DARS1: variants seen among roughly 807,000 people sequenced by gnomAD.
The protein encoded by DARS1 is aspartate--tRNA ligase, cytoplasmic.
Under a neutral mutation model 68.8 loss-of-function variants are expected in DARS1, and 51 were observed. That is an observed-to-expected ratio of 0.74 (90% CI 0.59 to 0.94). DARS1 has a LOEUF of 0.94. Ranked by LOEUF, DARS1 falls within the 40% of genes least tolerant of loss-of-function variation. The probability of loss-of-function intolerance (pLI) is 0.00; values close to 1 mark genes in which losing one functional copy is unlikely to be tolerated. For missense variants in DARS1, 607 were observed against 597.3 expected (o/e 1.02, Z -0.17); for synonymous variants, 203 against 190.4 (o/e 1.07, Z -0.55).
At chr2:135,985,154 C>A in intron 1 of DARS1, 1 of 562,886 alleles carries the variant, frequency 1.8e-6, no homozygotes, top group Non-Finnish European at 3.0e-6. Context: ...TGGTTCTTCC[C>A]GTCCTCCCCA....
At position 135,934,592 on chromosome 2, in the gene DARS1, A is replaced by C. The variant is rs191533094; in HGVS notation, c.424-602T>G. Among the ~76,000 whole-genome samples the C allele has an allele frequency of 4.6e-5, 7 of 152,164 alleles. No homozygotes were observed. The East Asian group carries it at 1.4e-3, about 30-fold the overall frequency. On this transcript the variant is annotated intron_variant, in intron 5 of 15. Transcript: ENST00000264161. ...AGCCAAGATCGCACCACTGCACTCC[A>C]GCCTGGGTGACAGTGAGACCCTGTC...
chr2:135,943,630 A>G, intron 4 of DARS1, 150 bp from the exon 5 acceptor site: 3 of 1,251,088 alleles, frequency 2.4e-6, no homozygotes, highest in Non-Finnish European at 3.2e-6. Context: ...CCTACTTAGA[A>G]TAAGCTATTA....
At chr2:135,945,358 C>T (rs1186421204) in intron 4 of DARS1, among the ~76,000 whole-genome samples, 1 of 152,100 alleles carries the variant, frequency 6.6e-6, no homozygotes, top group Non-Finnish European at 1.5e-5. Flanking sequence ...GAACTCCTGA[C>T]CTCAGGTGAT....
At chr2:135,977,701 G>A (rs999584489) in intron 3 of DARS1, among the ~76,000 whole-genome samples, 2 of 152,164 alleles carry the variant, frequency 1.3e-5, no homozygotes, top group Non-Finnish European at 2.9e-5. Flanking sequence ...AAGTCTGTCA[G>A]TATTCATCAG....
intron 15 of DARS1, 96 bp from the exon 16 acceptor site, chr2:135,907,503 CT>C: frequency 2.6e-6 from 2 of 766,940 alleles, no homozygotes; most frequent in South Asian, 3.7e-5. Flanking sequence ...AAACTAAATA[CT>C]TTTCCTTGTT....
intron 4 of DARS1, among the ~76,000 whole-genome samples, chr2:135,952,435 T>C (rs1681859361): frequency 6.6e-6 from 1 of 152,220 alleles, no homozygotes; most frequent in Admixed American, 6.5e-5. Context: ...CCAAATTCTC[T>C]CTTCCAGCTG....
At chr2:135,938,533 GGC>G (rs1681521511) in intron 5 of DARS1, among the ~76,000 whole-genome samples, 1 of 152,154 alleles carries the variant, frequency 6.6e-6, no homozygotes, top group South Asian at 2.1e-4. Context: ...TTGCGTTGCT[GGC>G]GAGGAGCTGC....
chr2:135,947,924 C>T (rs1415397578), intron 4 of DARS1, among the ~76,000 whole-genome samples: 1 of 151,934 alleles, frequency 6.6e-6, no homozygotes, highest in Non-Finnish European at 1.5e-5. Flanking sequence ...CCCAGTAACA[C>T]TGATGTATCT....
At chr2:135,938,237 T>C (rs1382669143) in intron 5 of DARS1, among the ~76,000 whole-genome samples, 1 of 152,236 alleles carries the variant, frequency 6.6e-6, no homozygotes, top group Non-Finnish European at 1.5e-5. Flanking sequence ...TTTCATTCAT[T>C]TGATCTTCAA....
intron 4 of DARS1, among the ~76,000 whole-genome samples, chr2:135,952,530 T>G (rs1013328838): frequency 2.0e-5 from 3 of 152,164 alleles, no homozygotes; most frequent in Non-Finnish European, 4.4e-5. Flanking sequence ...ATCTGTAATT[T>G]TGAACAGACT....
intron 13 of DARS1, among the ~76,000 whole-genome samples, chr2:135,911,936 T>C: frequency 6.6e-6 from 1 of 152,292 alleles, no homozygotes; most frequent in East Asian, 1.9e-4. Flanking sequence ...GCTTCAGTAT[T>C]ACCAGAAATT....
chr2:135,938,678 A>G (rs1681524589), intron 5 of DARS1, among the ~76,000 whole-genome samples: 2 of 152,212 alleles, frequency 1.3e-5, no homozygotes, highest in Non-Finnish European at 2.9e-5. Context: ...CTTAAATGTA[A>G]ATGGGCTAAT....
At chr2:135,936,841 C>T (rs965628579) in intron 5 of DARS1, among the ~76,000 whole-genome samples, 1 of 152,152 alleles carries the variant, frequency 6.6e-6, no homozygotes, top group African/African-American at 2.4e-5. Flanking sequence ...CAATGTTACT[C>T]TTAAATCAGT....
chr2:135,953,945 C>G (rs1382071019), intron 4 of DARS1, among the ~76,000 whole-genome samples: 5 of 148,368 alleles, frequency 3.4e-5, no homozygotes, highest in Non-Finnish European at 1.5e-5. Flanking sequence ...TTTGTAGCGA[C>G]AGGGTTTTGC....
intron 1 of DARS1, among the ~76,000 whole-genome samples, chr2:135,984,239 G>GTCTA (rs1182482333): frequency 1.2e-4 from 18 of 152,142 alleles, no homozygotes; most frequent in Admixed American, 6.5e-5. Flanking sequence ...CTGCCACAAT[G>GTCTA]TCTACCTTGT....
chr2:135,925,528 A>G (rs1681195461), intron 7 of DARS1, among the ~76,000 whole-genome samples: 1 of 152,236 alleles, frequency 6.6e-6, no homozygotes, highest in Middle Eastern at 3.2e-3. Context: ...AAAGAATGAT[A>G]TTTAAATAAT....
intron 3 of DARS1, among the ~76,000 whole-genome samples, chr2:135,963,901 G>C (rs765838220): frequency 1.3e-5 from 2 of 151,606 alleles, no homozygotes; most frequent in East Asian, 3.9e-4. Flanking sequence ...GGCTGGTCTC[G>C]AACTCGTGAC....
intron 12 of DARS1, among the ~76,000 whole-genome samples, chr2:135,912,803 A>G (rs1422019247): frequency 6.7e-6 from 1 of 148,424 alleles, no homozygotes; most frequent in South Asian, 2.1e-4. Flanking sequence ...TAGTTTTTAA[A>G]TTTTTTTTTT....
intron 7 of DARS1, among the ~76,000 whole-genome samples, chr2:135,926,183 G>A (rs1391161277): frequency 6.6e-6 from 1 of 152,112 alleles, no homozygotes; most frequent in African/African-American, 2.4e-5. Flanking sequence ...GAGCCACGAC[G>A]CCTGGCCTAA....
Sources: allele counts gnomAD v4.1 joint callset (sites outside exome capture counted in the v4.1 genomes callset), GRCh38; gene constraint gnomAD v4.1.1; transcripts MANE v1.5; gene names NCBI Gene and HGNC (gene_info 2026-07-23, HGNC 2026-07-21).